MIR2052HG: variants seen among roughly 807,000 people sequenced by gnomAD.
MIR2052HG encodes MIR2052 host gene.
At chr8:74,739,105 G>A (rs1009083020) in intron 4 of MIR2052HG, among the ~76,000 whole-genome samples, 1 of 152,320 alleles carries the variant, frequency 6.6e-6, no homozygotes, top group East Asian at 1.9e-4. Context: ...ATGGAAATTA[G>A]AGTAGTGTGT....
chr8:74,751,666 C>T (rs1013604027), intron 4 of MIR2052HG, among the ~76,000 whole-genome samples: 2 of 152,102 alleles, frequency 1.3e-5, no homozygotes, highest in Non-Finnish European at 2.9e-5. Context: ...ACAGTTTTTA[C>T]CCCATATTAT....
chr8:74,613,038 G>A, intron 2 of MIR2052HG: 1 of 406,012 alleles, frequency 2.5e-6, no homozygotes, highest in Non-Finnish European at 5.0e-6. Flanking sequence ...CTCACTAAAG[G>A]GAGAAAAGGG....
chr8:74,751,388 G>A (rs1809945844), intron 4 of MIR2052HG, among the ~76,000 whole-genome samples: 1 of 152,188 alleles, frequency 6.6e-6, no homozygotes, highest in Non-Finnish European at 1.5e-5. Context: ...AAATATGTGT[G>A]TTAGATAAGT....
intron 2 of MIR2052HG, among the ~76,000 whole-genome samples, chr8:74,690,034 ATGAC>A (rs1252878294): frequency 1.3e-5 from 2 of 152,182 alleles, no homozygotes; most frequent in Non-Finnish European, 2.9e-5. Context: ...AAAATAAGCA[ATGAC>A]TAAGTATTAT....
chr8:74,742,370 C>T (rs866555787), intron 4 of MIR2052HG, among the ~76,000 whole-genome samples: 1 of 152,078 alleles, frequency 6.6e-6, no homozygotes, highest in African/African-American at 2.4e-5. Context: ...TCAAATAATG[C>T]CATTCTTATA....
chr8:74,626,144 C>A (rs1311488757), intron 2 of MIR2052HG, among the ~76,000 whole-genome samples: 1 of 152,174 alleles, frequency 6.6e-6, no homozygotes, highest in African/African-American at 2.4e-5. Flanking sequence ...GAGAACAGCA[C>A]CTCCTTGGCT....
chr8:74,645,290 T>C (rs1808679923), intron 2 of MIR2052HG, among the ~76,000 whole-genome samples: 1 of 148,106 alleles, frequency 6.8e-6, no homozygotes, highest in Non-Finnish European at 1.5e-5. Flanking sequence ...TTTTCTTTCT[T>C]TTTTTTTTTT....
intron 4 of MIR2052HG, among the ~76,000 whole-genome samples, chr8:74,734,905 G>A (rs947876713): frequency 6.6e-6 from 1 of 152,202 alleles, no homozygotes; most frequent in Non-Finnish European, 1.5e-5. Flanking sequence ...CTTTCCAGTG[G>A]ATGTGTTTAT....
intron 2 of MIR2052HG, among the ~76,000 whole-genome samples, chr8:74,660,104 T>C (rs1236025764): frequency 6.6e-6 from 1 of 152,154 alleles, no homozygotes; most frequent in Non-Finnish European, 1.5e-5. Flanking sequence ...GCAAATGGAA[T>C]TGGGAAGCCA....
At chr8:74,663,292 A>G (rs1390606958) in intron 2 of MIR2052HG, among the ~76,000 whole-genome samples, 1 of 152,204 alleles carries the variant, frequency 6.6e-6, no homozygotes, top group African/African-American at 2.4e-5. Context: ...TACACTGGAT[A>G]ATAATTCTCT....
intron 2 of MIR2052HG, among the ~76,000 whole-genome samples, chr8:74,693,490 AG>A (rs1809260724): frequency 6.6e-6 from 1 of 151,912 alleles, no homozygotes; most frequent in South Asian, 2.1e-4. Context: ...GGTGGTGGGC[AG>A]GATTCCTGAA....
At chr8:74,614,439 C>G (rs935594333) in intron 2 of MIR2052HG, among the ~76,000 whole-genome samples, 7 of 152,068 alleles carry the variant, frequency 4.6e-5, no homozygotes, top group Middle Eastern at 3.2e-3. Flanking sequence ...TCTATTTGAT[C>G]TATATTGGTG....
intron 4 of MIR2052HG, among the ~76,000 whole-genome samples, chr8:74,751,044 T>G (rs2128756689): frequency 6.6e-6 from 1 of 152,334 alleles, no homozygotes; most frequent in Non-Finnish European, 1.5e-5. Flanking sequence ...TATTCATGGA[T>G]TCTGTATTTG....
intron 2 of MIR2052HG, among the ~76,000 whole-genome samples, chr8:74,680,005 G>A (rs1336402954): frequency 1.3e-5 from 2 of 152,022 alleles, no homozygotes; most frequent in African/African-American, 4.8e-5. Flanking sequence ...GAAGAAAGAA[G>A]GATAATTCAT....
intron 2 of MIR2052HG, among the ~76,000 whole-genome samples, chr8:74,635,202 G>A (rs1808567826): frequency 6.6e-6 from 1 of 151,360 alleles, no homozygotes; most frequent in Non-Finnish European, 1.5e-5. Context: ...CCTATTATGT[G>A]CAAATCACTA....
chr8:74,626,806 T>G (rs957792177), intron 2 of MIR2052HG, among the ~76,000 whole-genome samples: 2 of 152,216 alleles, frequency 1.3e-5, no homozygotes, highest in African/African-American at 4.8e-5. Flanking sequence ...TGCTCCTCCA[T>G]TCCCCAGTAC....
At chr8:74,603,247 G>A (rs772475844) in intron 1 of MIR2052HG, 59 of 1,373,912 alleles carry the variant, frequency 4.3e-5, no homozygotes, top group Non-Finnish European at 5.7e-5. Flanking sequence ...CATGGGTGGT[G>A]GTGAACAGCA....
At chr8:74,631,370 T>C (rs1808508932) in intron 2 of MIR2052HG, among the ~76,000 whole-genome samples, 1 of 152,176 alleles carries the variant, frequency 6.6e-6, no homozygotes, top group African/African-American at 2.4e-5. Context: ...GAAAACAATG[T>C]TTGGTGTATT....
chr8:74,745,987 T>C (rs1051129787), intron 4 of MIR2052HG, among the ~76,000 whole-genome samples: 1 of 152,166 alleles, frequency 6.6e-6, no homozygotes, highest in Non-Finnish European at 1.5e-5. Context: ...GCACTGGCTT[T>C]ACTTGCTCAA....
Sources: gnomAD v4.1 joint callset for allele counts (sites outside exome capture counted in the v4.1 genomes callset) on GRCh38, gnomAD v4.1.1 for gene constraint, MANE v1.5 for transcripts, NCBI Gene and HGNC (gene_info 2026-07-23, HGNC 2026-07-21) for gene names.